Variants in LRP12 observed in about 807,000 individuals in gnomAD.
LRP12 encodes the protein LDL receptor related protein 12.
Under a neutral mutation model 66.0 loss-of-function variants are expected in LRP12, and 14 were observed. The ratio of observed to expected loss-of-function variants is 0.21; its 90% CI spans 0.14 to 0.33. The LOEUF is 0.33. Ranked by LOEUF, LRP12 falls within the 10% of genes least tolerant of loss-of-function variation. The probability of loss-of-function intolerance (pLI) is 1.00; values close to 1 mark genes in which losing one functional copy is unlikely to be tolerated. For synonymous variants in LRP12, 357 were observed against 359.1 expected (o/e 0.99, Z 0.07); for missense variants, 889 against 1,053.4 (o/e 0.84, Z 2.16).
intron 3 of LRP12, among the ~76,000 whole-genome samples, chr8:104,500,367 A>T (rs1202300231): frequency 2.0e-5 from 3 of 152,218 alleles, no homozygotes; most frequent in Non-Finnish European, 4.4e-5. Context: ...ACAAAAGCTG[A>T]TAGACAATTT....
intron 1 of LRP12, among the ~76,000 whole-genome samples, chr8:104,532,373 TAAAA>T (rs34023849): frequency 1.5e-5 from 2 of 131,098 alleles, no homozygotes; most frequent in African/African-American, 5.6e-5. Context: ...TGTTGGTACT[TAAAA>T]AAAAAAAAAA....
In LRP12 at chr8:104,519,248, G is replaced by A. The variant is rs141334465; in HGVS notation, c.137-10174C>T. 5.3e-3 allele frequency among the ~76,000 whole-genome samples: 811 copies of A among 152,182 alleles called. 4 individuals are homozygous for A. Among genetic ancestry groups the A allele is most frequent in the Non-Finnish European group, 9.3e-3 (633 of 67,964 alleles). ...AGCCAAGCTGCGTTATAATGTGAAT[G>A]TCAGAAGTCAACATTTTGAGGATGG... On this transcript the variant is annotated intron_variant, in intron 2 of 6. Coordinates refer to ENST00000276654, the MANE Select transcript of LRP12 (RefSeq NM_013437.5).
intron 1 of LRP12, among the ~76,000 whole-genome samples, chr8:104,567,100 C>T (rs1812016797): frequency 6.6e-6 from 1 of 151,986 alleles, no homozygotes; most frequent in Non-Finnish European, 1.5e-5. Flanking sequence ...CCACTCTTGC[C>T]ACTTCCATTC....
At chr8:104,548,614 A>T (rs1459253903) in intron 1 of LRP12, among the ~76,000 whole-genome samples, 1 of 110,320 alleles carries the variant, frequency 9.1e-6, no homozygotes, top group East Asian at 2.2e-4. Flanking sequence ...ATATAATTAA[A>T]TTAATTATAT....
At chr8:104,548,325 TATATATTATATAAATATATAAA>T (rs1564142143) in intron 1 of LRP12, among the ~76,000 whole-genome samples, 3 of 12,408 alleles carry the variant, frequency 2.4e-4, no homozygotes, top group South Asian at 3.8e-3. Context: ...AAATATATAA[TATATATTATATAAATATATAAA>T]TATATAATAT....
chr8:104,545,280 A>G (rs1231983757), intron 1 of LRP12, among the ~76,000 whole-genome samples: 1 of 152,210 alleles, frequency 6.6e-6, no homozygotes, highest in East Asian at 1.9e-4. Flanking sequence ...TTCAGATGCA[A>G]TCTATTCCTA....
intron 6 of LRP12, among the ~76,000 whole-genome samples, chr8:104,492,867 A>G (rs1249585924): frequency 5.3e-5 from 8 of 152,162 alleles, no homozygotes; most frequent in Non-Finnish European, 8.8e-5. Context: ...AAAGAAAAAG[A>G]AAAAGCGGTT....
intron 3 of LRP12, chr8:104,507,792 T>C (rs1810931044): frequency 6.6e-6 from 1 of 152,132 alleles, no homozygotes; most frequent in Admixed American, 6.6e-5. Flanking sequence ...AGAGGTAATG[T>C]AGGGTAGAGG....
intron 1 of LRP12, among the ~76,000 whole-genome samples, chr8:104,547,590 A>ATATTATATATATATATAATAT (rs1811603946): frequency 5.7e-5 from 7 of 122,426 alleles, no homozygotes; most frequent in Admixed American, 5.5e-4. Flanking sequence ...ATTAATATAT[A>ATATTATATATATATATAATAT]ATATATAATA....
intron 1 of LRP12, among the ~76,000 whole-genome samples, chr8:104,534,488 AATAT>A (rs1811368045): frequency 6.6e-6 from 1 of 152,062 alleles, no homozygotes; most frequent in Non-Finnish European, 1.5e-5. Context: ...AGGTGAACAG[AATAT>A]ATAGTTCATT....
At chr8:104,564,639 AAG>A (rs1811967238) in intron 1 of LRP12, among the ~76,000 whole-genome samples, 1 of 152,038 alleles carries the variant, frequency 6.6e-6, no homozygotes, top group East Asian at 1.9e-4. Flanking sequence ...TGAAAAAAAA[AAG>A]AAAATTAGGC....
chr8:104,511,946 CA>C (rs1463771947), intron 2 of LRP12, among the ~76,000 whole-genome samples: 2 of 151,554 alleles, frequency 1.3e-5, no homozygotes, highest in Admixed American at 6.6e-5. Context: ...ATCTCCCTTA[CA>C]AAAAAGTTTT....
rs577290885 is a variant in LRP12 at position 104,531,123 on chromosome 8, AAAG to A, written c.136+781_136+783del. On this transcript the variant is annotated intron_variant, in intron 2 of 6. Coordinates refer to ENST00000276654, the MANE Select transcript of LRP12 (RefSeq NM_013437.5). Reference sequence around the variant, plus strand: ...AACCAAACAAATTACAAGATGACACAAAGAAGTTAATCAATGGATTGATAAATA... The same window carrying A: ...AACCAAACAAATTACAAGATGACACAAAGTTAATCAATGGATTGATAAATA... Among the ~76,000 whole-genome samples the A allele has an allele frequency of 9.5e-4, 144 of 152,314 alleles. 2 individuals are homozygous for A. The highest frequency in any genetic ancestry group is 3.3e-3 in the African/African-American group (138 of 41,588).
chr8:104,503,452 TTAAA>T (rs1281002715), intron 3 of LRP12, among the ~76,000 whole-genome samples: 1 of 152,096 alleles, frequency 6.6e-6, no homozygotes, highest in Admixed American at 6.6e-5. Flanking sequence ...TTTAGGATTT[TTAAA>T]TAAGTAAAAT....
chr8:104,510,736 G>T (rs999034285), intron 2 of LRP12, among the ~76,000 whole-genome samples: 1 of 152,018 alleles, frequency 6.6e-6, no homozygotes, highest in African/African-American at 2.4e-5. Flanking sequence ...CAGAAGTGAC[G>T]AGTAAATTTT....
intron 1 of LRP12, among the ~76,000 whole-genome samples, chr8:104,559,644 T>G (rs895054204): frequency 6.6e-6 from 1 of 152,132 alleles, no homozygotes; most frequent in Admixed American, 6.5e-5. Context: ...AAAAATAGTT[T>G]AGAGAGAAAG....
At chr8:104,549,691 C>T (rs567328665) in intron 1 of LRP12, among the ~76,000 whole-genome samples, 40 of 152,256 alleles carry the variant, frequency 2.6e-4, no homozygotes, top group Middle Eastern at 3.4e-3. Flanking sequence ...CGTGAGCCCC[C>T]GAGCCCGGCC....
chr8:104,552,856 C>G (rs1198021013), intron 1 of LRP12, among the ~76,000 whole-genome samples: 2 of 152,072 alleles, frequency 1.3e-5, no homozygotes, highest in Non-Finnish European at 2.9e-5. Flanking sequence ...AGAGAATCCA[C>G]AGATCCTTTG....
chr8:104,497,448 A>C lies in LRP12; in HGVS notation c.1104T>G (p.Thr368=). 6.2e-7 allele frequency: 1 copy of C among 1,614,192 alleles called. No individual in the cohort carries two copies. ...GCAAACAGAACCCATCTACTTGGTAAGTAGCATTAAATCCCCTTGCAGCAT... is the reference window on the plus strand; with the variant it reads ...GCAAACAGAACCCATCTACTTGGTACGTAGCATTAAATCCCCTTGCAGCAT... The part of the protein sequence containing the change: ...KVNAARGFNA[T]YQVDGFCLPW... The change falls in exon 5 of 7, where the codon ACT becomes ACG. Residue 368 remains threonine (T), a synonymous_variant. Transcript: ENST00000276654. This position sits in a 1 kb window ranked among gnomAD's most constrained non-coding sequence, Gnocchi z 4.3.
Sources: allele counts gnomAD v4.1 joint callset (sites outside exome capture counted in the v4.1 genomes callset), GRCh38; gene constraint gnomAD v4.1.1; non-coding constraint Gnocchi (gnomAD v3.1); transcripts MANE v1.5; gene names NCBI Gene and HGNC (gene_info 2026-07-23, HGNC 2026-07-21).